Variants in FMN2 observed in about 807,000 individuals in gnomAD.
FMN2 encodes formin 2, also known as formin-2.
A neutral mutation model predicts 142.3 loss-of-function variants in FMN2; 51 were observed. The observed-to-expected ratio is 0.36, with a 90% CI of 0.29 to 0.45. FMN2 has a LOEUF of 0.45. Among genes scored for constraint, FMN2 ranks in the 20% least tolerant of loss-of-function variants. The pLI is 1.00. For missense variants in FMN2, 1,936 were observed against 2,122.8 expected (o/e 0.91, Z 1.73); for synonymous variants, 882 against 869.8 (o/e 1.01, Z -0.25).
Position 240,399,942 on chromosome 1 carries a change from C to T in FMN2, c.4910+7380C>T, listed in dbSNP as rs185713308. 3.4e-3 allele frequency among the ~76,000 whole-genome samples: 513 copies of T among 152,212 alleles called. 1 individual carries two copies. Among genetic ancestry groups the T allele is most frequent in the Non-Finnish European group, 6.4e-3 (434 of 68,006 alleles). On this transcript the variant is annotated intron_variant, in intron 15 of 17. Coordinates refer to ENST00000319653, the MANE Select transcript of FMN2 (RefSeq NM_020066.5). ...TTGTGCAGGTGCACAGAAGTCCTGCCCAGAGCTCTACAGATCTGCTTGAGA... is the reference window on the plus strand; with the variant it reads ...TTGTGCAGGTGCACAGAAGTCCTGCTCAGAGCTCTACAGATCTGCTTGAGA...
intron 14 of FMN2, among the ~76,000 whole-genome samples, chr1:240,379,382 G>A (rs1158659835): frequency 6.6e-6 from 1 of 152,050 alleles, no homozygotes; most frequent in Non-Finnish European, 1.5e-5. Flanking sequence ...CTGTATACAG[G>A]TGCCACTTAA....
chr1:240,138,171 T>G (rs372252979), intron 2 of FMN2, among the ~76,000 whole-genome samples: 1 of 151,702 alleles, frequency 6.6e-6, no homozygotes, highest in South Asian at 2.1e-4. Context: ...TGAACCCTAT[T>G]CTCAGGAGCA....
At chr1:240,302,911 A>G (rs995342962) in intron 8 of FMN2, among the ~76,000 whole-genome samples, 2 of 152,100 alleles carry the variant, frequency 1.3e-5, no homozygotes, top group Non-Finnish European at 2.9e-5. Context: ...TTTCCCATAC[A>G]TTTTTATGCC....
intron 7 of FMN2, among the ~76,000 whole-genome samples, chr1:240,261,056 G>A (rs145236337): frequency 2.4e-4 from 36 of 152,166 alleles, no homozygotes; most frequent in Admixed American, 1.0e-3. Context: ...AAGATCAGTT[G>A]GCTGTAAGTA....
At chr1:240,390,693 G>A (rs112447018) in intron 14 of FMN2, among the ~76,000 whole-genome samples, 4,104 of 152,260 alleles carry the variant, frequency 0.027, 72 homozygotes, top group Non-Finnish European at 0.041. Flanking sequence ...TGGAGGCACC[G>A]TGCTAAGTAT....
At chr1:240,192,828 GAGAA>G (rs1665759730) in intron 4 of FMN2, among the ~76,000 whole-genome samples, 1 of 117,228 alleles carries the variant, frequency 8.5e-6, no homozygotes, top group Non-Finnish European at 1.7e-5. Context: ...ACTATGTTAA[GAGAA>G]AGAAAGGATT....
chr1:240,139,181 C>T (rs1335761636), intron 2 of FMN2, among the ~76,000 whole-genome samples: 1 of 152,110 alleles, frequency 6.6e-6, no homozygotes, highest in Non-Finnish European at 1.5e-5. Context: ...TTTGGTTGCT[C>T]ATGTAAAGGT....
Position 240,153,072 on chromosome 1 carries a change from G to A in FMN2, c.1783-24849G>A, listed in dbSNP as rs567256156. ...AAGAGAACATTATAGAGTAAGTGTG[G>A]TGGAATCCCCAGGCGGGTCTGAGTC... On this transcript the variant is annotated intron_variant, in intron 2 of 17. Coordinates refer to ENST00000319653, the MANE Select transcript of FMN2 (RefSeq NM_020066.5). Among the ~76,000 whole-genome samples, 14 of 152,278 alleles carry A rather than the reference G, an allele frequency of 9.2e-5. No individual in the cohort carries two copies. The South Asian group carries it at 2.5e-3, about 27-fold the overall frequency.
intron 13 of FMN2, among the ~76,000 whole-genome samples, chr1:240,348,394 TG>T (rs1485311129): frequency 6.6e-6 from 1 of 152,028 alleles, no homozygotes; most frequent in Admixed American, 6.6e-5. Flanking sequence ...GCTAATATTT[TG>T]TATTTTTAGT....
rs1558345208 is a variant in FMN2 at position 240,185,145 on chromosome 1, C to CTTCCCCTTCTCTTTCTCCCTCCTATACCT, written c.1931-3038_1931-3037insTACCTTTCCCCTTCTCTTTCTCCCTCCTA. Among the ~76,000 whole-genome samples the CTTCCCCTTCTCTTTCTCCCTCCTATACCT allele has an allele frequency of 1.3e-4, 7 of 54,016 alleles. 2 individuals are homozygous for CTTCCCCTTCTCTTTCTCCCTCCTATACCT. Among genetic ancestry groups the CTTCCCCTTCTCTTTCTCCCTCCTATACCT allele is most frequent in the Non-Finnish European group, 2.2e-4 (5 of 22,440 alleles). 35.4% of individuals were successfully genotyped at this position (54,016 alleles called of 152,430 possible). On this transcript the variant is annotated intron_variant, in intron 3 of 17. Coordinates refer to ENST00000319653, the MANE Select transcript of FMN2 (RefSeq NM_020066.5). ...CCCCTTCTCTTTCTCCCTCCTATAC[C>CTTCCCCTTCTCTTTCTCCCTCCTATACCT]TTCCCCTTCTCTTTCTCCCTCCTAC... is the stretch of plus-strand genomic sequence containing the variant.
chr1:240,250,400 G>A (rs963612808), intron 6 of FMN2, among the ~76,000 whole-genome samples: 1 of 151,990 alleles, frequency 6.6e-6, no homozygotes, highest in African/African-American at 2.4e-5. Flanking sequence ...TTATTGATTT[G>A]CATATGTACA....
At chr1:240,347,920 A>G (rs1671963342) in intron 13 of FMN2, among the ~76,000 whole-genome samples, 1 of 151,944 alleles carries the variant, frequency 6.6e-6, no homozygotes, top group African/African-American at 2.4e-5. Flanking sequence ...TATGTACCAT[A>G]TTTTCTTTAT....
chr1:240,099,891 T>TTCCA (rs1661357106), intron 1 of FMN2, among the ~76,000 whole-genome samples: 1 of 152,156 alleles, frequency 6.6e-6, no homozygotes, highest in African/African-American at 2.4e-5. Context: ...GTTCACCCGA[T>TTCCA]TCCATCCATC....
intron 8 of FMN2, among the ~76,000 whole-genome samples, chr1:240,315,536 G>T (rs1670753640): frequency 6.6e-6 from 1 of 152,284 alleles, no homozygotes; most frequent in South Asian, 2.1e-4. Context: ...GGTATTACAT[G>T]AGTATTTGGC....
At chr1:240,303,229 A>C (rs1314173515) in intron 8 of FMN2, among the ~76,000 whole-genome samples, 2 of 152,168 alleles carry the variant, frequency 1.3e-5, no homozygotes, top group African/African-American at 4.8e-5. Flanking sequence ...TGATTATAAT[A>C]GTTAAAGTAG....
chr1:240,394,242 A>G (rs1206678760), intron 15 of FMN2, among the ~76,000 whole-genome samples: 2 of 152,166 alleles, frequency 1.3e-5, no homozygotes, highest in Admixed American at 6.5e-5. Flanking sequence ...AAAAAAGACA[A>G]ATGTAACTTT....
chr1:240,143,733 G>A, intron 2 of FMN2: 4 of 1,541,822 alleles, frequency 2.6e-6, no homozygotes, highest in Non-Finnish European at 3.6e-6. Context: ...AAGAGTCCTT[G>A]AGCTCAGTAC....
intron 1 of FMN2, among the ~76,000 whole-genome samples, chr1:240,109,701 A>G (rs1323086736): frequency 1.3e-5 from 2 of 152,118 alleles, no homozygotes; most frequent in Non-Finnish European, 2.9e-5. Flanking sequence ...AGAAATATTG[A>G]GAAGGGTATT....
chr1:240,329,560 C>G (rs1671310487), intron 10 of FMN2, 92 bp downstream of exon 10: 6 of 1,485,076 alleles, frequency 4.0e-6, no homozygotes, highest in Middle Eastern at 1.8e-4. Flanking sequence ...TTTATTTACT[C>G]TAAGTACTCA....
Sources: gnomAD v4.1 joint callset for allele counts (sites outside exome capture counted in the v4.1 genomes callset) on GRCh38, gnomAD v4.1.1 for gene constraint, MANE v1.5 for transcripts, NCBI Gene and HGNC (gene_info 2026-07-23, HGNC 2026-07-21) for gene names.